Variants in GALNT17 observed in about 807,000 individuals in gnomAD.
GALNT17 encodes the protein polypeptide N-acetylgalactosaminyltransferase 17.
A neutral mutation model predicts 63.7 loss-of-function variants in GALNT17; 29 were observed. That is an observed-to-expected ratio of 0.46 (90% confidence interval 0.34 to 0.62). GALNT17 has a LOEUF of 0.62. Among genes scored for constraint, GALNT17 ranks in the 20% least tolerant of loss-of-function variants. The pLI, the probability that GALNT17 is intolerant of heterozygous loss-of-function variation, is 0.01. For synonymous variants in GALNT17, 305 were observed against 318.3 expected (o/e 0.96, Z 0.45); for missense variants, 603 against 799.6 (o/e 0.75, Z 2.97).
chr7:71,483,649 G>C (rs967310228), intron 5 of GALNT17, among the ~76,000 whole-genome samples: 62 of 151,678 alleles, frequency 4.1e-4, no homozygotes, highest in African/African-American at 1.2e-3. Context: ...TCCACCTCCT[G>C]GGTTCAAGCA....
chr7:71,167,933 G>T (rs1444864680), intron 1 of GALNT17, among the ~76,000 whole-genome samples: 1 of 152,206 alleles, frequency 6.6e-6, no homozygotes, highest in Non-Finnish European at 1.5e-5. Context: ...GCCTCCTAAA[G>T]TGATGGGATT....
chr7:71,149,366 C>T (rs562474236), intron 1 of GALNT17, among the ~76,000 whole-genome samples: 7 of 152,270 alleles, frequency 4.6e-5, no homozygotes, highest in African/African-American at 1.7e-4. Flanking sequence ...TCCAGAGGCA[C>T]CTACCAGCTG....
At chr7:71,330,420 C>T (rs1791787978) in intron 1 of GALNT17, among the ~76,000 whole-genome samples, 3 of 150,278 alleles carry the variant, frequency 2.0e-5, no homozygotes, top group Admixed American at 2.0e-4. Flanking sequence ...TTTTCAAAGA[C>T]AGGGTCTCAC....
chr7:71,412,689 C>T (rs1272268498), intron 3 of GALNT17, among the ~76,000 whole-genome samples: 1 of 152,190 alleles, frequency 6.6e-6, no homozygotes, highest in Non-Finnish European at 1.5e-5. Context: ...GCCCCCTCAA[C>T]CTGTCCTCAG....
rs368436985 is a variant in GALNT17 at position 71,158,667 on chromosome 7, C to T, written c.238+25627C>T. On this transcript the variant is annotated intron_variant, in intron 1 of 10. Transcript: ENST00000333538. ...TCTTGGCTAACTGCAAGCTCCACCT[C>T]CCGGGTTCACACCATTCTCCTACCT... Among the ~76,000 whole-genome samples, 273 of 151,896 alleles carry T rather than the reference C, an allele frequency of 1.8e-3. 6 individuals are homozygous for T. The highest frequency in any genetic ancestry group is 5.8e-3 in the African/African-American group (240 of 41,226).
intron 9 of GALNT17, among the ~76,000 whole-genome samples, chr7:71,705,511 A>C (rs550117893): frequency 5.7e-4 from 87 of 152,252 alleles, no homozygotes; most frequent in African/African-American, 2.0e-3. Context: ...GAGTAATTCT[A>C]CTCCTAGGTG....
At chr7:71,207,909 AC>A (rs1789303239) in intron 1 of GALNT17, among the ~76,000 whole-genome samples, 1 of 151,922 alleles carries the variant, frequency 6.6e-6, no homozygotes, top group Admixed American at 6.6e-5. Context: ...AATGAGGTGG[AC>A]ATGTGCCTGT....
At chr7:71,683,050 G>A (rs1215229822) in intron 9 of GALNT17, among the ~76,000 whole-genome samples, 1 of 152,070 alleles carries the variant, frequency 6.6e-6, no homozygotes, top group African/African-American at 2.4e-5. Flanking sequence ...ACCTGCGTGC[G>A]GAACTTTTCC....
At chr7:71,298,096 C>T (rs1276503975) in intron 1 of GALNT17, among the ~76,000 whole-genome samples, 1 of 152,222 alleles carries the variant, frequency 6.6e-6, no homozygotes, top group Non-Finnish European at 1.5e-5. Flanking sequence ...TCTTGGCTTA[C>T]TGCAACCTCC....
rs754096589 is a variant in GALNT17, at chr7:71,666,806, A to ATT, written c.1266+1215_1266+1216dup. Among the ~76,000 whole-genome samples, 809 of 152,100 alleles carry ATT rather than the reference A, an allele frequency of 5.3e-3. 3 individuals carry two copies. The highest frequency in any genetic ancestry group is 6.5e-3 in the Non-Finnish European group (445 of 67,978). Reference sequence around the variant, plus strand: ...TAAATAATTCTTATGCTTTATTTGTATTTTTTATTGTTGTATTGTTCTTAC... The same window carrying ATT: ...TAAATAATTCTTATGCTTTATTTGTATTTTTTTTATTGTTGTATTGTTCTTAC... On this transcript the variant is annotated intron_variant, in intron 7 of 10. Coordinates refer to ENST00000333538, the MANE Select transcript of GALNT17 (RefSeq NM_022479.3).
At chr7:71,546,134 C>G (rs1788980393) in intron 5 of GALNT17, among the ~76,000 whole-genome samples, 1 of 149,988 alleles carries the variant, frequency 6.7e-6, no homozygotes, top group African/African-American at 2.4e-5. Flanking sequence ...CCCTCAGGGA[C>G]AGGTCATTAT....
At chr7:71,665,713 A>T in intron 7 of GALNT17, 117 bp downstream of exon 7, 1 of 1,200,070 alleles carries the variant, frequency 8.3e-7, no homozygotes, top group Non-Finnish European at 1.1e-6. Context: ...TAGAAAAATT[A>T]TGAATGCATT....
At chr7:71,340,609 A>G (rs79946387) in intron 2 of GALNT17, among the ~76,000 whole-genome samples, 2,893 of 152,312 alleles carry the variant, frequency 0.019, 44 homozygotes, top group Non-Finnish European at 0.029. Flanking sequence ...AGTCTTTGTT[A>G]TAAAAGATGT....
chr7:71,534,923 T>C (rs921874390), intron 5 of GALNT17, among the ~76,000 whole-genome samples: 5 of 152,240 alleles, frequency 3.3e-5, no homozygotes, highest in African/African-American at 1.2e-4. Flanking sequence ...ACTTCTGTGA[T>C]ACGGTGTACT....
At chr7:71,572,590 C>G (rs943652471) in intron 6 of GALNT17, among the ~76,000 whole-genome samples, 33 of 150,278 alleles carry the variant, frequency 2.2e-4, no homozygotes, top group African/African-American at 7.2e-4. Context: ...GAAATGAGCA[C>G]CACAATCAAA....
At chr7:71,513,194 C>T (rs1788388745) in intron 5 of GALNT17, among the ~76,000 whole-genome samples, 1 of 152,066 alleles carries the variant, frequency 6.6e-6, no homozygotes, top group Non-Finnish European at 1.5e-5. Context: ...GGCAATTTCA[C>T]TTTATTTTCA....
chr7:71,561,747 A>T (rs1789259770), intron 5 of GALNT17, among the ~76,000 whole-genome samples: 1 of 152,066 alleles, frequency 6.6e-6, no homozygotes, highest in Non-Finnish European at 1.5e-5. Flanking sequence ...CAAGGGTAAG[A>T]CATGACACCA....
At chr7:71,237,619 A>G (rs1331239945) in intron 1 of GALNT17, among the ~76,000 whole-genome samples, 1 of 151,886 alleles carries the variant, frequency 6.6e-6, no homozygotes, top group Non-Finnish European at 1.5e-5. Flanking sequence ...CAGGAGCTTG[A>G]GGCTACTGCG....
At chr7:71,628,561 G>A (rs1386643902) in intron 6 of GALNT17, among the ~76,000 whole-genome samples, 1 of 152,096 alleles carries the variant, frequency 6.6e-6, no homozygotes, top group East Asian at 2.0e-4. Flanking sequence ...GACCTCAGGT[G>A]ATCCGCCCAC....
Sources: allele counts gnomAD v4.1 joint callset (sites outside exome capture counted in the v4.1 genomes callset), GRCh38; gene constraint gnomAD v4.1.1; transcripts MANE v1.5; gene names NCBI Gene and HGNC (gene_info 2026-07-23, HGNC 2026-07-21).